Variants in CHODL observed in about 807,000 individuals in gnomAD.
The protein encoded by CHODL is chondrolectin.
In CHODL, 29 loss-of-function variants were observed where a neutral mutation model predicts 34.5. That is an observed-to-expected ratio of 0.84 (90% CI 0.63 to 1.15). The LOEUF is 1.15. CHODL is among the 50% of genes most tolerant of loss of function. The pLI is 0.00. For missense variants in CHODL, 332 were observed against 332.5 expected, an observed-to-expected ratio of 1.00 and a Z score of 0.01; for synonymous variants, 125 against 116.1, an observed-to-expected ratio of 1.08 and a Z score of -0.49.
At chr21:18,154,940 G>A (rs929300214) in intron 2 of CHODL, among the ~76,000 whole-genome samples, 9 of 152,142 alleles carry the variant, frequency 5.9e-5, no homozygotes, top group African/African-American at 2.2e-4. Flanking sequence ...AGAAGCAGAT[G>A]GAATAATAAT....
intron 1 of CHODL, among the ~76,000 whole-genome samples, chr21:17,982,803 GTT>G (rs534068038): frequency 6.8e-4 from 98 of 143,672 alleles, no homozygotes; most frequent in African/African-American, 2.5e-3. Flanking sequence ...CGCCTCCCAG[GTT>G]CATGTGATTC....
At chr21:17,957,413 G>A (rs1306278238) in intron 1 of CHODL, among the ~76,000 whole-genome samples, 1 of 152,044 alleles carries the variant, frequency 6.6e-6, no homozygotes, top group Non-Finnish European at 1.5e-5. Context: ...CATGTTTCCT[G>A]ATCTTGCTCT....
At chr21:18,182,890 A>G (rs942135442) in intron 2 of CHODL, among the ~76,000 whole-genome samples, 3 of 152,162 alleles carry the variant, frequency 2.0e-5, no homozygotes, top group African/African-American at 4.8e-5. Flanking sequence ...CACTCTCTCC[A>G]CATTTGTGCT....
intron 1 of CHODL, among the ~76,000 whole-genome samples, chr21:18,251,354 T>C (rs1223302202): frequency 6.8e-6 from 1 of 147,196 alleles, no homozygotes; most frequent in Non-Finnish European, 1.5e-5. Context: ...TAAGGATGAA[T>C]ATTTCTTTTA....
intron 1 of CHODL, among the ~76,000 whole-genome samples, chr21:18,250,927 T>C (rs1223763238): frequency 1.3e-5 from 2 of 151,644 alleles, no homozygotes; most frequent in African/African-American, 2.4e-5. Flanking sequence ...ATATTTTTAT[T>C]GAAAAAGTGA....
chr21:18,167,211 CTGTGTGTGTGTGTGTGTGTGTGTG>C (rs71329776), intron 2 of CHODL, among the ~76,000 whole-genome samples: 5 of 88,136 alleles, frequency 5.7e-5, no homozygotes, highest in South Asian at 7.6e-4. Flanking sequence ...TTCTCTCTCT[CTGTGTGTGTGTGTGTGTGTGTGTG>C]TGTGTGTGTG....
intron 1 of CHODL, among the ~76,000 whole-genome samples, chr21:18,006,249 G>A (rs2063959850): frequency 6.6e-6 from 1 of 151,570 alleles, no homozygotes; most frequent in African/African-American, 2.4e-5. Context: ...AAAATGGACT[G>A]ATACACTGGG....
At chr21:18,097,835 G>C (rs935746354) in intron 2 of CHODL, among the ~76,000 whole-genome samples, 4 of 151,964 alleles carry the variant, frequency 2.6e-5, no homozygotes, top group Non-Finnish European at 4.4e-5. Context: ...GAGCTATAAA[G>C]AGTAAAACAG....
intron 5 of CHODL, 75 bp from the exon 6 acceptor site, chr21:18,265,879 T>G (rs1315754807): frequency 1.7e-6 from 2 of 1,166,044 alleles, no homozygotes; most frequent in East Asian, 4.8e-5. Context: ...GTCTGAGATA[T>G]CTCCCTTTGG....
intron 2 of CHODL, among the ~76,000 whole-genome samples, chr21:18,076,646 G>T (rs913465619): frequency 6.6e-6 from 1 of 152,194 alleles, no homozygotes; most frequent in East Asian, 1.9e-4. Flanking sequence ...AAGATTAACT[G>T]ATAGGGAGAT....
At chr21:18,029,847 G>A (rs777865992) in intron 2 of CHODL, among the ~76,000 whole-genome samples, 6 of 152,216 alleles carry the variant, frequency 3.9e-5, no homozygotes, top group South Asian at 2.1e-4. Flanking sequence ...AAGTCCAGGC[G>A]TGCAGTAGTG....
At chr21:18,200,576 T>A (rs938034479) in intron 2 of CHODL, among the ~76,000 whole-genome samples, 3 of 152,214 alleles carry the variant, frequency 2.0e-5, no homozygotes, top group African/African-American at 4.8e-5. Flanking sequence ...ACAGATTGCA[T>A]ACATTTGATA....
At chr21:18,253,040 GA>G (rs995814091) in intron 1 of CHODL, among the ~76,000 whole-genome samples, 14 of 151,970 alleles carry the variant, frequency 9.2e-5, no homozygotes, top group African/African-American at 2.9e-4. Context: ...ATATCTGTAT[GA>G]ACTAACATAA....
chr21:18,193,525 C>T (rs931967219), intron 2 of CHODL, among the ~76,000 whole-genome samples: 1 of 151,464 alleles, frequency 6.6e-6, no homozygotes, highest in Non-Finnish European at 1.5e-5. Flanking sequence ...GAAACCCAGT[C>T]TCTACTAAAA....
At chr21:17,967,848 C>T (rs537490391) in intron 1 of CHODL, among the ~76,000 whole-genome samples, 6 of 152,138 alleles carry the variant, frequency 3.9e-5, no homozygotes, top group Non-Finnish European at 7.4e-5. Flanking sequence ...ATGTGCCCAA[C>T]AATATCCCTT....
chr21:18,035,017 G>A (rs1409173950), intron 2 of CHODL, among the ~76,000 whole-genome samples: 1 of 151,902 alleles, frequency 6.6e-6, no homozygotes, highest in Non-Finnish European at 1.5e-5. Context: ...CCATTAAGAT[G>A]GATTGCAGAG....
chr21:17,961,842 A>T (rs549806475), intron 1 of CHODL, among the ~76,000 whole-genome samples: 1 of 152,354 alleles, frequency 6.6e-6, no homozygotes, highest in African/African-American at 2.4e-5. Flanking sequence ...AGAGGTCACA[A>T]AAAGAATGGA....
intron 2 of CHODL, among the ~76,000 whole-genome samples, chr21:18,059,397 T>G (rs1477858262): frequency 6.6e-6 from 1 of 152,158 alleles, no homozygotes; most frequent in Non-Finnish European, 1.5e-5. Context: ...GCAAACCTGG[T>G]CATCAAATGG....
In CHODL at chr21:18,266,208, A is replaced by C. The variant is rs2146836462; in HGVS notation, c.*170A>C. The C allele has an allele frequency of 6.5e-7, 1 of 1,535,810 alleles. No homozygotes were observed. The highest frequency in any genetic ancestry group is 2.5e-5 in the East Asian group (1 of 40,744). On this transcript the variant is annotated 3_prime_UTR_variant, in exon 6 of 6. Coordinates refer to ENST00000299295, the MANE Select transcript of CHODL (RefSeq NM_024944.3). ...TTTTTATATGTCTATTATTTCATTT[A>C]AAGAATATGCTGTGCTAATAATGGA...
Sources: gnomAD v4.1 joint callset for allele counts (sites outside exome capture counted in the v4.1 genomes callset) on GRCh38, gnomAD v4.1.1 for gene constraint, MANE v1.5 for transcripts, NCBI Gene and HGNC (gene_info 2026-07-23, HGNC 2026-07-21) for gene names.